The following CSMD1 variants were observed in gnomAD, a reference collection of about 807,000 sequenced individuals.
The protein encoded by CSMD1 is CUB and Sushi multiple domains 1, also known as CUB and sushi domain-containing protein 1.
CSMD1 carries 213 observed loss-of-function variants against 417.5 expected under a neutral mutation model. The ratio of observed to expected loss-of-function variants is 0.51; its 90% CI spans 0.46 to 0.57. CSMD1 has a LOEUF of 0.57. Among genes scored for constraint, CSMD1 ranks in the 20% least tolerant of loss-of-function variants. The pLI is 0.00. For synonymous variants in CSMD1, 2,862 were observed against 1,736.8 expected (o/e 1.65, Z -16.11); for missense variants, 6,923 against 4,529.7 (o/e 1.53, Z -15.17).
chr8:3,573,720 C>A (rs1400577529), intron 10 of CSMD1, among the ~76,000 whole-genome samples: 1 of 151,988 alleles, frequency 6.6e-6, no homozygotes, highest in Non-Finnish European at 1.5e-5. Context: ...GATATTTTGA[C>A]AAAATGTAAA....
chr8:4,481,081 G>A (rs1725121), intron 2 of CSMD1, among the ~76,000 whole-genome samples: 2,264 of 152,294 alleles, frequency 0.015, 48 homozygotes, highest in African/African-American at 0.049. Context: ...TATCACCTAA[G>A]TAGGAAACTG....
intron 25 of CSMD1, among the ~76,000 whole-genome samples, chr8:3,307,126 G>A (rs1033775167): frequency 3.3e-5 from 5 of 152,142 alleles, no homozygotes; most frequent in African/African-American, 4.8e-5. Context: ...ACAGTAGAGT[G>A]TATTTCTTCA....
In CSMD1 at chr8:3,987,920, C is replaced by T. The variant is rs761095683; in HGVS notation, c.818+9983G>A. 4.6e-5 allele frequency among the ~76,000 whole-genome samples: 7 copies of T among 152,214 alleles called. No homozygotes were observed. In the East Asian group the frequency reaches 9.7e-4, roughly 21 times the overall value. ...TCTACCTGATCTCTGAGAGTCACACCGAATGGTCTCACATCAAAGGACTGA... is the reference window on the plus strand; with the variant it reads ...TCTACCTGATCTCTGAGAGTCACACTGAATGGTCTCACATCAAAGGACTGA... On this transcript the variant is annotated intron_variant, in intron 5 of 69. Transcript: ENST00000635120.
Position 3,450,740 on chromosome 8 carries a change from G to C in CSMD1, c.1561+17972C>G, listed in dbSNP as rs1815651795. ...TGTTGGACATTTGGGTTGGTTCCAA[G>C]TCTTTGCTATTGTGAATAGTGCCAC... On this transcript the variant is annotated intron_variant, in intron 12 of 69. Transcript: ENST00000635120. 2.0e-5 allele frequency among the ~76,000 whole-genome samples: 3 copies of C among 152,040 alleles called. No individual in the cohort carries two copies. In the South Asian group the frequency reaches 6.2e-4, roughly 31 times the overall value.
intron 3 of CSMD1, among the ~76,000 whole-genome samples, chr8:4,195,701 G>C (rs1417602843): frequency 6.6e-6 from 1 of 152,186 alleles, no homozygotes; most frequent in East Asian, 1.9e-4. Flanking sequence ...CACGCAGGGA[G>C]AAATTGTGGA....
rs537647590 is a variant in CSMD1 at position 2,998,001 on chromosome 8, C to T, written c.8377+10G>A. ...AGAGCAAAGGGCTCATTCCTGGATGCTGTTCCTACCTCGACACGTGGGCAG... is the reference window on the plus strand; with the variant it reads ...AGAGCAAAGGGCTCATTCCTGGATGTTGTTCCTACCTCGACACGTGGGCAG... On this transcript the variant is annotated intron_variant, in intron 54 of 69. Coordinates refer to ENST00000635120, the MANE Select transcript of CSMD1 (RefSeq NM_033225.6). The T allele has an allele frequency of 5.6e-6, 9 of 1,611,492 alleles. No homozygotes were observed. In the East Asian group the frequency reaches 8.9e-5, roughly 16 times the overall value.
intron 1 of CSMD1, among the ~76,000 whole-genome samples, chr8:4,909,811 C>T (rs1047042756): frequency 1.3e-5 from 2 of 152,150 alleles, no homozygotes; most frequent in African/African-American, 4.8e-5. Flanking sequence ...ACCCACCTGT[C>T]CTTCATTTCC....
chr8:4,550,934 G>C (rs374115131), intron 2 of CSMD1, among the ~76,000 whole-genome samples: 6 of 152,252 alleles, frequency 3.9e-5, no homozygotes, highest in African/African-American at 1.2e-4. Context: ...AGTTTCCTGA[G>C]TATCTGACTA....
chr8:4,349,292 G>C (rs1016752068), intron 3 of CSMD1, among the ~76,000 whole-genome samples: 1 of 152,154 alleles, frequency 6.6e-6, no homozygotes, highest in Non-Finnish European at 1.5e-5. Context: ...TGCAGCAGTG[G>C]AAAGCTATTT....
intron 10 of CSMD1, among the ~76,000 whole-genome samples, chr8:3,506,212 G>T (rs1318158398): frequency 1.3e-5 from 2 of 152,130 alleles, no homozygotes; most frequent in Non-Finnish European, 2.9e-5. Flanking sequence ...AGCTGTCAGG[G>T]AGACGGCCCT....
At chr8:3,369,810 G>C (rs1224481255) in intron 18 of CSMD1, among the ~76,000 whole-genome samples, 2 of 152,212 alleles carry the variant, frequency 1.3e-5, no homozygotes, top group African/African-American at 4.8e-5. Context: ...CAATGGGAAA[G>C]TGGCAACAAT....
intron 2 of CSMD1, among the ~76,000 whole-genome samples, chr8:4,441,728 G>C (rs567692042): frequency 1.2e-4 from 19 of 152,108 alleles, no homozygotes; most frequent in African/African-American, 4.3e-4. Flanking sequence ...GGAGATAAAT[G>C]AAAATTTTTA....
At chr8:3,175,817 G>T (rs1219266972) in intron 37 of CSMD1, among the ~76,000 whole-genome samples, 1 of 152,124 alleles carries the variant, frequency 6.6e-6, no homozygotes, top group Non-Finnish European at 1.5e-5. Context: ...AATATATTTT[G>T]TTAACTTCAC....
At chr8:3,693,842 G>T (rs1183085112) in intron 7 of CSMD1, among the ~76,000 whole-genome samples, 1 of 150,974 alleles carries the variant, frequency 6.6e-6, no homozygotes, top group Non-Finnish European at 1.5e-5. Context: ...TGTTGTGTGT[G>T]TTAGGGTATA....
intron 3 of CSMD1, among the ~76,000 whole-genome samples, chr8:4,033,183 G>C (rs144870432): frequency 0.011 from 1,605 of 144,852 alleles, 31 homozygotes; most frequent in African/African-American, 0.038. Flanking sequence ...GCTCACGCCT[G>C]TAGTCCCAGC....
At chr8:3,485,826 A>G (rs1276423791) in intron 11 of CSMD1, among the ~76,000 whole-genome samples, 2 of 148,576 alleles carry the variant, frequency 1.3e-5, no homozygotes, top group African/African-American at 2.5e-5. Context: ...ATAAAATAAA[A>G]TAAAATAAAA....
At chr8:3,947,060 A>G (rs1233257241) in intron 5 of CSMD1, among the ~76,000 whole-genome samples, 2 of 152,128 alleles carry the variant, frequency 1.3e-5, no homozygotes, top group African/African-American at 4.8e-5. Flanking sequence ...TGGTAACTTC[A>G]TTACATGTTG....
At chr8:3,952,925 G>A (rs777062450) in intron 5 of CSMD1, among the ~76,000 whole-genome samples, 9 of 152,124 alleles carry the variant, frequency 5.9e-5, no homozygotes, top group Non-Finnish European at 1.3e-4. Context: ...TGCAATTTAT[G>A]TCTTCATTAA....
At chr8:3,738,260 A>G (rs1001752934) in intron 6 of CSMD1, among the ~76,000 whole-genome samples, 1 of 152,224 alleles carries the variant, frequency 6.6e-6, no homozygotes. Flanking sequence ...CTAACAGAAA[A>G]TAGCGACGAT....
Sources: gnomAD v4.1 joint callset for allele counts (sites outside exome capture counted in the v4.1 genomes callset) on GRCh38, gnomAD v4.1.1 for gene constraint, MANE v1.5 for transcripts, NCBI Gene and HGNC (gene_info 2026-07-23, HGNC 2026-07-21) for gene names.